The following BCAS3 variants were observed in gnomAD, a reference collection of about 807,000 sequenced individuals.
BCAS3 encodes BCAS3 microtubule associated cell migration factor.
A neutral mutation model predicts 116.1 loss-of-function variants in BCAS3; 53 were observed. The ratio of observed to expected loss-of-function variants is 0.46; its 90% CI spans 0.37 to 0.57. BCAS3 has a LOEUF of 0.57. BCAS3 is among the 20% of genes least tolerant of loss of function. The pLI is 0.00. For synonymous variants in BCAS3, 391 were observed against 408.2 expected, an observed-to-expected ratio of 0.96 and a Z score of 0.51; for missense variants, 917 against 1,165.4, an observed-to-expected ratio of 0.79 and a Z score of 3.10.
In BCAS3 at chr17:61,156,457, G is replaced by A. The variant is rs956049590; in HGVS notation, c.2425+71893G>A. Reference sequence around the variant, plus strand: ...ATAGAGAAATGGAAATACGTGCTTTGTGGAGGATCCTGTTTTCCTTGAGTG... The same window carrying A: ...ATAGAGAAATGGAAATACGTGCTTTATGGAGGATCCTGTTTTCCTTGAGTG... On this transcript the variant is annotated intron_variant, in intron 22 of 23. Coordinates refer to ENST00000407086, the MANE Select transcript of BCAS3 (RefSeq NM_017679.5). This position sits in a 1 kb window ranked among gnomAD's most constrained non-coding sequence, Gnocchi z 4.7. Among the ~76,000 whole-genome samples the A allele has an allele frequency of 6.6e-6, 1 of 152,140 alleles. No individual in the cohort carries two copies. Among genetic ancestry groups the A allele is most frequent in the Admixed American group, 6.5e-5 (1 of 15,270 alleles).
Position 61,034,793 on chromosome 17 carries a change from A to C in BCAS3, c.1762+3A>C. 1 of 1,591,592 alleles carries C rather than the reference A, an allele frequency of 6.3e-7. No individual in the cohort carries two copies. The highest frequency in any genetic ancestry group is 8.5e-7 in the Non-Finnish European group (1 of 1,173,414). ...TGCAGGTCTGAAAAGAGAAAAAGGT[A>C]TGTATTTTTACTGAAAAATGAATGC... On this transcript the variant is annotated splice_donor_region_variant and intron_variant, in intron 17 of 23. Transcript: ENST00000407086. This position sits in a 1 kb window ranked among gnomAD's most constrained non-coding sequence, Gnocchi z 5.0.
chr17:61,292,553 G>A (rs1370062972), intron 22 of BCAS3, among the ~76,000 whole-genome samples: 1 of 152,110 alleles, frequency 6.6e-6, no homozygotes, highest in East Asian at 1.9e-4. Context: ...TCAGGAGGCT[G>A]AGGCATGAGA....
intron 7 of BCAS3, among the ~76,000 whole-genome samples, chr17:60,850,718 C>G (rs2053061557): frequency 6.6e-6 from 1 of 152,134 alleles, no homozygotes; most frequent in Admixed American, 6.5e-5. Context: ...AGGGTTCCCT[C>G]ATTTCTTTTT....
chr17:60,996,434 G>C (rs1340922040), intron 15 of BCAS3, among the ~76,000 whole-genome samples: 1 of 152,206 alleles, frequency 6.6e-6, no homozygotes, highest in African/African-American at 2.4e-5. Context: ...AAGTATGAAA[G>C]AAGAGATGAG....
intron 22 of BCAS3, among the ~76,000 whole-genome samples, chr17:61,159,123 T>A (rs943251027): frequency 6.6e-6 from 1 of 152,222 alleles, no homozygotes; most frequent in Non-Finnish European, 1.5e-5. Context: ...TCTTTTTTCC[T>A]TTTTGCCTTT....
At chr17:60,988,363 G>A (rs1016167491) in intron 14 of BCAS3, among the ~76,000 whole-genome samples, 22 of 41,122 alleles carry the variant, frequency 5.3e-4, no homozygotes, top group African/African-American at 1.5e-3. Flanking sequence ...TTTTTTTTAT[G>A]TATGTGTTTG....
intron 7 of BCAS3, chr17:60,851,342 G>A (rs565103743): frequency 1.5e-4 from 52 of 347,170 alleles, no homozygotes; most frequent in African/African-American, 9.5e-4. Context: ...GGCATGCTGC[G>A]GCCCGCAGGC....
At chr17:61,172,591 C>T (rs1253794874) in intron 22 of BCAS3, among the ~76,000 whole-genome samples, 3 of 145,462 alleles carry the variant, frequency 2.1e-5, no homozygotes, top group African/African-American at 7.6e-5. Context: ...GAGCTGAGAT[C>T]GCACCACTGC....
intron 22 of BCAS3, among the ~76,000 whole-genome samples, chr17:61,271,572 C>T (rs1005754967): frequency 6.7e-6 from 1 of 149,180 alleles, no homozygotes; most frequent in East Asian, 2.0e-4. Flanking sequence ...TACAGGCGCC[C>T]GCCATCACGC....
Position 60,964,763 on chromosome 17 carries a change from A to G in BCAS3, c.1221+17411A>G, listed in dbSNP as rs898108000. Among the ~76,000 whole-genome samples, 1 of 151,952 alleles carries G rather than the reference A, an allele frequency of 6.6e-6. No individual in the cohort carries two copies. The highest frequency in any genetic ancestry group is 6.5e-5 in the Admixed American group (1 of 15,270). ...AGGTTTTCTGTTTCTTCATGATTCA[A>G]TCTTGGAGGTTGTATGTTTCCAGAA... On this transcript the variant is annotated intron_variant, in intron 14 of 23. Coordinates refer to ENST00000407086, the MANE Select transcript of BCAS3 (RefSeq NM_017679.5). The surrounding 1 kb of genome is among the most constrained non-coding windows in gnomAD (Gnocchi z 4.6).
chr17:60,977,491 T>TTTATTATTATTATTATTA (rs199534358), intron 14 of BCAS3, among the ~76,000 whole-genome samples: 3 of 149,688 alleles, frequency 2.0e-5, no homozygotes, highest in South Asian at 2.1e-4. Flanking sequence ...GCACTTTCTT[T>TTTATTATTATTATTATTA]TTATTATTAT....
chr17:60,851,662 T>C, intron 7 of BCAS3: 1 of 755,936 alleles, frequency 1.3e-6, no homozygotes, highest in Non-Finnish European at 2.4e-6. Context: ...TAAAGAAGAT[T>C]TACCTGCAGA....
In BCAS3 at chr17:60,990,192, T is replaced by A; in HGVS notation, c.1443T>A (p.Pro481=). 1.2e-6 allele frequency: 2 copies of A among 1,614,208 alleles called. No homozygotes were observed. The highest frequency in any genetic ancestry group is 1.7e-6 in the Non-Finnish European group (2 of 1,180,026). The change falls in exon 15 of 24, where the codon CCT becomes CCA. Residue 481 remains proline, a synonymous_variant. Transcript: ENST00000407086. This position sits in a 1 kb window ranked among gnomAD's most constrained non-coding sequence, Gnocchi z 5.1. ...LTSKQGGRCS[P]VPGLSSSPSG... is the part of the protein sequence containing the mutation. Reference sequence around the variant, plus strand: ...CTAAGCAAGGAGGTCGCTGTAGCCCTGTTCCAGGTCTATCAAGCAGCCCTT... The same window carrying A: ...CTAAGCAAGGAGGTCGCTGTAGCCCAGTTCCAGGTCTATCAAGCAGCCCTT...
intron 7 of BCAS3, chr17:60,810,476 GA>G: frequency 1.5e-6 from 1 of 681,020 alleles, no homozygotes; most frequent in East Asian, 2.9e-5. Context: ...GTGGAGACCG[GA>G]AACCAGAAGC....
At chr17:60,814,293 G>A (rs1028288297) in intron 7 of BCAS3, among the ~76,000 whole-genome samples, 6 of 137,348 alleles carry the variant, frequency 4.4e-5, no homozygotes, top group African/African-American at 2.1e-4. Flanking sequence ...GTGTGTGTGT[G>A]TGTGTGTGTG....
At chr17:61,274,055 C>T (rs1450131918) in intron 22 of BCAS3, among the ~76,000 whole-genome samples, 2 of 150,832 alleles carry the variant, frequency 1.3e-5, no homozygotes, top group Non-Finnish European at 3.0e-5. Flanking sequence ...GTGTGCTGCA[C>T]CCATTAACTC....
At chr17:61,092,672 T>C (rs2073672336) in intron 22 of BCAS3, among the ~76,000 whole-genome samples, 1 of 152,234 alleles carries the variant, frequency 6.6e-6, no homozygotes, top group Non-Finnish European at 1.5e-5. Context: ...TGTAATGTCC[T>C]AGTTAACTCA....
chr17:61,320,408 G>A (rs1361238320), intron 22 of BCAS3, among the ~76,000 whole-genome samples: 3 of 151,406 alleles, frequency 2.0e-5, no homozygotes. Flanking sequence ...AAGGCCAGGC[G>A]CCGTGGCTCA....
chr17:60,896,644 C>G (rs1005032550), intron 10 of BCAS3, among the ~76,000 whole-genome samples: 1 of 151,698 alleles, frequency 6.6e-6, no homozygotes, highest in Non-Finnish European at 1.5e-5. Flanking sequence ...TATAACTACC[C>G]CTGTTCACTT....
Sources: gnomAD v4.1 joint callset for allele counts (sites outside exome capture counted in the v4.1 genomes callset) on GRCh38, gnomAD v4.1.1 for gene constraint, Gnocchi (gnomAD v3.1) non-coding constraint, MANE v1.5 for transcripts, NCBI Gene and HGNC (gene_info 2026-07-23, HGNC 2026-07-21) for gene names.